The following OXCT1 variants were observed in gnomAD, a reference collection of about 807,000 sequenced individuals.
The protein encoded by OXCT1 is 3-oxoacid CoA-transferase 1.
A neutral mutation model predicts 69.6 loss-of-function variants in OXCT1; 27 were observed. That is an observed-to-expected ratio of 0.39 (90% CI 0.29 to 0.54). The LOEUF is 0.54. OXCT1 is among the 20% of genes least tolerant of loss of function. The pLI is 0.72. For missense variants in OXCT1, 437 were observed against 650.2 expected (o/e 0.67, Z 3.57); for synonymous variants, 202 against 217.8 (o/e 0.93, Z 0.64).
At chr5:41,796,656 C>T (rs1378780716) in intron 11 of OXCT1, among the ~76,000 whole-genome samples, 1 of 151,828 alleles carries the variant, frequency 6.6e-6, no homozygotes, top group Non-Finnish European at 1.5e-5. Flanking sequence ...GAGTTTTATT[C>T]CAAATGATAG....
In OXCT1 at chr5:41,778,992, T is replaced by G. The variant is rs140068345; in HGVS notation, c.1248+15011A>C. Among the ~76,000 whole-genome samples, 1,450 of 152,310 alleles carry G rather than the reference T, an allele frequency of 9.5e-3. 20 individuals carry two copies. The highest frequency in any genetic ancestry group is 0.011 in the Non-Finnish European group (729 of 68,012). ...TTGGAATGTGATTTTCACCATAGCATTGACTTTCAGAAGCAAATCCTCATT... is the reference window on the plus strand; with the variant it reads ...TTGGAATGTGATTTTCACCATAGCAGTGACTTTCAGAAGCAAATCCTCATT... On this transcript the variant is annotated intron_variant, in intron 13 of 16. Transcript: ENST00000196371.
At chr5:41,786,107 G>T (rs1007371944) in intron 13 of OXCT1, among the ~76,000 whole-genome samples, 3 of 152,284 alleles carry the variant, frequency 2.0e-5, no homozygotes, top group Admixed American at 1.3e-4. Context: ...GACTCCACCG[G>T]TAAGAGTCTA....
intron 3 of OXCT1, among the ~76,000 whole-genome samples, chr5:41,860,280 C>T (rs1298967328): frequency 6.6e-6 from 1 of 151,846 alleles, no homozygotes; most frequent in Non-Finnish European, 1.5e-5. Flanking sequence ...GAATACATAA[C>T]TACTGTAAAT....
intron 13 of OXCT1, among the ~76,000 whole-genome samples, chr5:41,767,236 C>T (rs1358178723): frequency 6.6e-6 from 1 of 152,104 alleles, no homozygotes; most frequent in East Asian, 1.9e-4. Context: ...TTCTGTGTTA[C>T]ACTTTCTTTT....
At chr5:41,757,879 C>T (rs929765902) in intron 14 of OXCT1, among the ~76,000 whole-genome samples, 5 of 152,138 alleles carry the variant, frequency 3.3e-5, no homozygotes, top group East Asian at 1.9e-4. Flanking sequence ...GGGAGCGAAT[C>T]GCAAAGGCAG....
intron 16 of OXCT1, among the ~76,000 whole-genome samples, chr5:41,737,411 C>A (rs891648199): frequency 2.0e-5 from 3 of 151,878 alleles, no homozygotes; most frequent in African/African-American, 7.3e-5. Flanking sequence ...AACTAGATAA[C>A]CAGGTCTTCC....
chr5:41,744,808 G>A (rs941666717), intron 15 of OXCT1, among the ~76,000 whole-genome samples: 14 of 152,030 alleles, frequency 9.2e-5, no homozygotes, highest in African/African-American at 3.4e-4. Flanking sequence ...AGCCAACAAA[G>A]ATCAAAAGAG....
intron 7 of OXCT1, among the ~76,000 whole-genome samples, chr5:41,808,771 G>A (rs1746811661): frequency 6.6e-6 from 1 of 152,024 alleles, no homozygotes; most frequent in Admixed American, 6.6e-5. Context: ...GTGGAGGTGG[G>A]GAATGCAGAG....
At chr5:41,766,568 C>CAAAAAAA (rs35725846) in intron 13 of OXCT1, among the ~76,000 whole-genome samples, 2 of 120,008 alleles carry the variant, frequency 1.7e-5, no homozygotes, top group Non-Finnish European at 1.8e-5. Flanking sequence ...CATTGTACTC[C>CAAAAAAA]AAAAAAAAAA....
At chr5:41,867,287 A>G (rs1750033233) in intron 1 of OXCT1, among the ~76,000 whole-genome samples, 1 of 152,218 alleles carries the variant, frequency 6.6e-6, no homozygotes, top group Non-Finnish European at 1.5e-5. Flanking sequence ...ATTTGTACCA[A>G]CTATACAAAA....
chr5:41,856,985 G>T (rs902577187), intron 3 of OXCT1, among the ~76,000 whole-genome samples: 6 of 152,094 alleles, frequency 3.9e-5, no homozygotes, highest in African/African-American at 1.4e-4. Flanking sequence ...CTCCACTGCA[G>T]CCTTCCCATC....
intron 7 of OXCT1, among the ~76,000 whole-genome samples, chr5:41,820,687 T>A (rs2112329248): frequency 1.3e-5 from 2 of 152,282 alleles, no homozygotes. Context: ...TTCCATGTTT[T>A]CTCTCAAGTC....
chr5:41,805,708 T>A, intron 8 of OXCT1, 27 bp from the exon 9 acceptor site: 1 of 1,437,326 alleles, frequency 7.0e-7, no homozygotes, highest in Non-Finnish European at 9.8e-7. Context: ...AATAAATTAT[T>A]CGTGGTTGAG....
chr5:41,835,418 CT>C (rs1439028676), intron 7 of OXCT1, among the ~76,000 whole-genome samples: 1 of 152,110 alleles, frequency 6.6e-6, no homozygotes, highest in Non-Finnish European at 1.5e-5. Context: ...AAGCCTGGCT[CT>C]TATAAATAAG....
chr5:41,816,653 C>T (rs1747260621), intron 7 of OXCT1, among the ~76,000 whole-genome samples: 2 of 152,156 alleles, frequency 1.3e-5, no homozygotes. Flanking sequence ...TGGCATGCCG[C>T]TGCAACTTCT....
At chr5:41,831,975 G>A (rs925701417) in intron 7 of OXCT1, among the ~76,000 whole-genome samples, 4 of 152,208 alleles carry the variant, frequency 2.6e-5, no homozygotes, top group Non-Finnish European at 5.9e-5. Flanking sequence ...AAGAGATGGA[G>A]AGGTGGTGGA....
chr5:41,793,310 A>G (rs1028738880), intron 13 of OXCT1, among the ~76,000 whole-genome samples: 1 of 152,246 alleles, frequency 6.6e-6, no homozygotes, highest in African/African-American at 2.4e-5. Context: ...ATGAGCTCAT[A>G]ATCATAAACA....
chr5:41,789,091 G>A (rs896222063), intron 13 of OXCT1, among the ~76,000 whole-genome samples: 4 of 152,124 alleles, frequency 2.6e-5, no homozygotes, highest in South Asian at 2.1e-4. Context: ...AAATTTGTAG[G>A]ATGTTACTTG....
intron 13 of OXCT1, among the ~76,000 whole-genome samples, chr5:41,763,793 A>C (rs1264733017): frequency 6.6e-6 from 1 of 152,166 alleles, no homozygotes; most frequent in Non-Finnish European, 1.5e-5. Context: ...ATTAAAAAAA[A>C]GTCCCTGAAT....
Sources: allele counts gnomAD v4.1 joint callset (sites outside exome capture counted in the v4.1 genomes callset), GRCh38; gene constraint gnomAD v4.1.1; transcripts MANE v1.5; gene names NCBI Gene and HGNC (gene_info 2026-07-23, HGNC 2026-07-21).